SLC25A48: variants seen among roughly 807,000 people sequenced by gnomAD.
SLC25A48 encodes the protein solute carrier family 25 member 48.
Under a neutral mutation model 32.2 loss-of-function variants are expected in SLC25A48, and 29 were observed. That is an observed-to-expected ratio of 0.90 (90% CI 0.67 to 1.23). SLC25A48 has a LOEUF of 1.23. SLC25A48 is among the 50% of genes most tolerant of loss of function. The pLI, the probability that SLC25A48 is intolerant of heterozygous loss-of-function variation, is 0.00. For missense variants in SLC25A48, 399 were observed against 422.7 expected (o/e 0.94, Z 0.49); for synonymous variants, 164 against 172.3 (o/e 0.95, Z 0.38).
chr5:135,779,197 C>T (rs1024267326), intron 3 of SLC25A48, among the ~76,000 whole-genome samples: 5 of 151,916 alleles, frequency 3.3e-5, no homozygotes, highest in Admixed American at 2.6e-4. Flanking sequence ...GATGATATTA[C>T]CCCCAATATT....
In SLC25A48 at chr5:135,780,673, G is replaced by C. The variant is rs1282038552; in HGVS notation, c.-520-31850G>C. Among the ~76,000 whole-genome samples, 3 of 116,166 alleles carry C rather than the reference G, an allele frequency of 2.6e-5. 1 individual carries two copies. Among genetic ancestry groups the C allele is most frequent in the African/African-American group, 7.8e-5 (3 of 38,240 alleles). The allele number at this position is 116,166 out of a possible 152,430, so 76.2% of individuals were successfully genotyped here. A position where few individuals can be genotyped will look rare whatever the true frequency, so the allele number is the denominator to read the frequency against. ...TGATATTATTCCCAATGTCATAAAG[G>C]GTATATATTCACTCGGTGTTATTTT... On this transcript the variant is annotated intron_variant, in intron 3 of 10. Coordinates refer to the SLC25A48 transcript ENST00000646290.
chr5:135,705,511 A>G (rs907253096), intron 3 of SLC25A48, among the ~76,000 whole-genome samples: 39 of 152,380 alleles, frequency 2.6e-4, no homozygotes, highest in Admixed American at 7.2e-4. Flanking sequence ...TGATGGCAGC[A>G]ATGATGATGA....
upstream of SLC25A48, among the ~76,000 whole-genome samples, chr5:135,833,500 G>T (rs938503407): frequency 6.6e-6 from 1 of 152,176 alleles, no homozygotes; most frequent in South Asian, 2.1e-4. Context: ...CATATATCCC[G>T]GGCATGACAG....
intron 3 of SLC25A48, among the ~76,000 whole-genome samples, chr5:135,716,761 G>A (rs954363675): frequency 2.6e-5 from 4 of 152,212 alleles, no homozygotes; most frequent in African/African-American, 4.8e-5. Flanking sequence ...ACAAACATAG[G>A]ATTTGGGTTG....
At chr5:135,778,142 C>T (rs1025879612) in intron 3 of SLC25A48, among the ~76,000 whole-genome samples, 1 of 151,548 alleles carries the variant, frequency 6.6e-6, no homozygotes. Flanking sequence ...GGTGTACATG[C>T]GCCCCGTGGT....
chr5:135,634,167 GGTGCTGTGT>G (rs1279658751), intron 2 of SLC25A48, among the ~76,000 whole-genome samples: 1 of 152,186 alleles, frequency 6.6e-6, no homozygotes, highest in Non-Finnish European at 1.5e-5. Flanking sequence ...GTGGTGTGGG[GGTGCTGTGT>G]GTGCTTGGCC....
At chr5:135,768,925 G>C (rs892854126) in intron 3 of SLC25A48, among the ~76,000 whole-genome samples, 12 of 151,822 alleles carry the variant, frequency 7.9e-5, no homozygotes, top group African/African-American at 2.9e-4. Flanking sequence ...ATATCGCAGG[G>C]GTTGTAGATA....
intron 3 of SLC25A48, among the ~76,000 whole-genome samples, chr5:135,652,614 T>C (rs1753143305): frequency 6.6e-6 from 1 of 152,204 alleles, no homozygotes; most frequent in African/African-American, 2.4e-5. Context: ...TTAAACACCC[T>C]GAAAGGATTG....
chr5:135,715,635 T>C (rs949621739), intron 3 of SLC25A48, among the ~76,000 whole-genome samples: 51 of 152,228 alleles, frequency 3.4e-4, no homozygotes, highest in African/African-American at 1.2e-3. Flanking sequence ...AATGGGATGT[T>C]TGGGCACTAG....
intron 3 of SLC25A48, among the ~76,000 whole-genome samples, chr5:135,705,142 G>C (rs527644270): frequency 1.3e-5 from 2 of 152,166 alleles, no homozygotes; most frequent in Non-Finnish European, 2.9e-5. Context: ...TCCTCCCTGC[G>C]GGCCTGTTCT....
Position 135,852,622 on chromosome 5 carries a change from C to T in SLC25A48, c.222C>T (p.Ser74=), listed in dbSNP as rs1335379148. 1 of 1,612,872 alleles carries T rather than the reference C, an allele frequency of 6.2e-7. No individual in the cohort carries two copies. Among genetic ancestry groups the T allele is most frequent in the South Asian group, 1.1e-5 (1 of 91,042 alleles). The change falls in exon 4 of 8, where the codon TCC becomes TCT. Residue 74 remains serine, a synonymous_variant. Transcript: ENST00000681962. ...FPLASIAVYN[S]VVFGVFSNTQ... Reference sequence around the variant, plus strand: ...TCGCCAGCATTGCCGTCTACAACTCCGTGGTGTTTGGGGTCTTCAGTAACA... The same window carrying T: ...TCGCCAGCATTGCCGTCTACAACTCTGTGGTGTTTGGGGTCTTCAGTAACA...
At chr5:135,718,559 T>G (rs147616605) in intron 3 of SLC25A48, among the ~76,000 whole-genome samples, 1,640 of 152,338 alleles carry the variant, frequency 0.011, 27 homozygotes, top group African/African-American at 0.038. Flanking sequence ...ACCATGACTG[T>G]CACACAGTAA....
At chr5:135,752,305 T>G (rs992396956) in intron 3 of SLC25A48, among the ~76,000 whole-genome samples, 4 of 152,172 alleles carry the variant, frequency 2.6e-5, no homozygotes, top group Non-Finnish European at 5.9e-5. Context: ...GTGCAGTGGC[T>G]CACCCCTGTA....
At chr5:135,866,577 C>T (rs1761220710) in intron 4 of SLC25A48, among the ~76,000 whole-genome samples, 1 of 152,126 alleles carries the variant, frequency 6.6e-6, no homozygotes, top group Non-Finnish European at 1.5e-5. Context: ...TAGGATTGGC[C>T]AAACCTGGAC....
At chr5:135,624,597 A>G (rs1752401222) in intron 1 of SLC25A48, among the ~76,000 whole-genome samples, 3 of 152,252 alleles carry the variant, frequency 2.0e-5, no homozygotes, top group South Asian at 2.1e-4. Flanking sequence ...TGCCTCTTGT[A>G]AAATGAATAT....
chr5:135,804,604 C>CACAGTGGGTTT (rs1757421089), intron 3 of SLC25A48, among the ~76,000 whole-genome samples: 1 of 151,272 alleles, frequency 6.6e-6, no homozygotes, highest in African/African-American at 2.4e-5. Context: ...CCCTTAATAT[C>CACAGTGGGTTT]ACAGTGGGTT....
At chr5:135,860,953 TG>T (rs1460589615) in intron 4 of SLC25A48, among the ~76,000 whole-genome samples, 1 of 152,150 alleles carries the variant, frequency 6.6e-6, no homozygotes, top group Non-Finnish European at 1.5e-5. Flanking sequence ...CTCAGGTGGT[TG>T]GGGGACTGGC....
In SLC25A48 at chr5:135,669,602, G is replaced by C. The variant is rs1402414269; in HGVS notation, c.-521+34646G>C. Among the ~76,000 whole-genome samples the C allele has an allele frequency of 8.5e-5, 13 of 152,258 alleles. No individual in the cohort carries two copies. The South Asian group carries it at 2.5e-3, about 29-fold the overall frequency. On this transcript the variant is annotated intron_variant, in intron 3 of 10. Transcript: ENST00000646290. ...AAGCAGCTGGGGATTTTATCACCATGCCCACCATCTGTCATTAGTTGAGGG... is the reference window on the plus strand; with the variant it reads ...AAGCAGCTGGGGATTTTATCACCATCCCCACCATCTGTCATTAGTTGAGGG...
intron 3 of SLC25A48, among the ~76,000 whole-genome samples, chr5:135,669,951 T>G (rs992444927): frequency 6.6e-6 from 1 of 152,162 alleles, no homozygotes; most frequent in African/African-American, 2.4e-5. Flanking sequence ...TCCATGATGG[T>G]GAGTTCAAGC....
Sources: gnomAD v4.1 joint callset for allele counts (sites outside exome capture counted in the v4.1 genomes callset) on GRCh38, gnomAD v4.1.1 for gene constraint, MANE v1.5 for transcripts, NCBI Gene and HGNC (gene_info 2026-07-23, HGNC 2026-07-21) for gene names.